SGCZ: variants seen among roughly 807,000 people sequenced by gnomAD.
SGCZ encodes zeta-sarcoglycan.
A neutral mutation model predicts 41.3 loss-of-function variants in SGCZ; 40 were observed. That is an observed-to-expected ratio of 0.97 (90% CI 0.75 to 1.26). The LOEUF (loss-of-function observed/expected upper bound fraction) is 1.26, where lower values mean the gene tolerates loss of function less well. Among genes scored for constraint, SGCZ ranks in the 50% most tolerant of loss-of-function variants. The pLI is 0.00. For synonymous variants in SGCZ, 206 were observed against 137.5 expected, an observed-to-expected ratio of 1.50 and a Z score of -3.49; for missense variants, 552 against 369.8, an observed-to-expected ratio of 1.49 and a Z score of -4.04.
At chr8:14,503,062 T>C (rs1339275441) in intron 2 of SGCZ, among the ~76,000 whole-genome samples, 2 of 152,132 alleles carry the variant, frequency 1.3e-5, no homozygotes, top group Non-Finnish European at 2.9e-5. Flanking sequence ...CCATCAATGA[T>C]AGACGGGATA....
intron 3 of SGCZ, chr8:14,309,210 C>G: frequency 6.7e-7 from 1 of 1,497,650 alleles, no homozygotes; most frequent in South Asian, 1.1e-5. Context: ...CGGCTGATCT[C>G]TAAGTTTGAT....
At chr8:14,588,811 T>C (rs182567660) in intron 1 of SGCZ, among the ~76,000 whole-genome samples, 3 of 152,286 alleles carry the variant, frequency 2.0e-5, no homozygotes, top group Non-Finnish European at 4.4e-5. Flanking sequence ...AAATTATTTT[T>C]AGAATGTTAT....
chr8:15,052,437 A>T (rs1804547959), intron 1 of SGCZ, among the ~76,000 whole-genome samples: 1 of 152,182 alleles, frequency 6.6e-6, no homozygotes, highest in Non-Finnish European at 1.5e-5. Flanking sequence ...TAGGACAGAT[A>T]ACATGCTTCC....
chr8:14,140,516 T>C (rs1487866714), intron 5 of SGCZ, among the ~76,000 whole-genome samples: 3 of 152,156 alleles, frequency 2.0e-5, no homozygotes, highest in Non-Finnish European at 4.4e-5. Context: ...AGCATTCTTA[T>C]ACATCAATAA....
At chr8:14,482,962 A>G (rs1801574512) in intron 2 of SGCZ, among the ~76,000 whole-genome samples, 1 of 152,090 alleles carries the variant, frequency 6.6e-6, no homozygotes, top group African/African-American at 2.4e-5. Context: ...TAAACACGTG[A>G]GCCAATTCTT....
intron 1 of SGCZ, among the ~76,000 whole-genome samples, chr8:14,779,905 G>T (rs1372695816): frequency 6.6e-6 from 1 of 152,140 alleles, no homozygotes; most frequent in African/African-American, 2.4e-5. Context: ...TTTGACCAAC[G>T]TATGATCTAG....
At chr8:15,124,693 G>A (rs1484370083) in intron 1 of SGCZ, among the ~76,000 whole-genome samples, 1 of 152,144 alleles carries the variant, frequency 6.6e-6, no homozygotes, top group Admixed American at 6.5e-5. Flanking sequence ...TTGTTCCCAT[G>A]CCAACCTAAT....
chr8:14,607,109 C>T (rs561686676), intron 1 of SGCZ, among the ~76,000 whole-genome samples: 1 of 152,210 alleles, frequency 6.6e-6, no homozygotes, highest in South Asian at 2.1e-4. Flanking sequence ...TCAGTTTTTT[C>T]ATCTGTAAAA....
intron 1 of SGCZ, among the ~76,000 whole-genome samples, chr8:14,582,011 ATCCT>A (rs1804906295): frequency 6.6e-6 from 1 of 151,938 alleles, no homozygotes; most frequent in African/African-American, 2.4e-5. Flanking sequence ...AGAAAGACAA[ATCCT>A]TCCTCTTCTC....
At chr8:15,098,121 C>T (rs925557541) in intron 1 of SGCZ, among the ~76,000 whole-genome samples, 1 of 150,772 alleles carries the variant, frequency 6.6e-6, no homozygotes, top group Non-Finnish European at 1.5e-5. Context: ...AAGTAACAGC[C>T]CCACATTAAA....
intron 2 of SGCZ, among the ~76,000 whole-genome samples, chr8:14,367,064 C>T (rs1803734734): frequency 6.6e-6 from 1 of 152,066 alleles, no homozygotes; most frequent in South Asian, 2.1e-4. Context: ...TAATGCTCTG[C>T]TTTCTCCTGA....
At chr8:14,510,485 G>T (rs942949294) in intron 2 of SGCZ, among the ~76,000 whole-genome samples, 1 of 151,960 alleles carries the variant, frequency 6.6e-6, no homozygotes, top group Non-Finnish European at 1.5e-5. Context: ...AACAACAGAT[G>T]TCACAGATTT....
At chr8:14,985,618 A>G (rs1801803586) in intron 1 of SGCZ, among the ~76,000 whole-genome samples, 1 of 152,202 alleles carries the variant, frequency 6.6e-6, no homozygotes, top group Non-Finnish European at 1.5e-5. Flanking sequence ...GTTCACTGCC[A>G]GAAATGAATT....
intron 4 of SGCZ, among the ~76,000 whole-genome samples, chr8:14,198,766 A>T (rs28504110): frequency 0.015 from 2,242 of 152,300 alleles, 59 homozygotes; most frequent in African/African-American, 0.051. Flanking sequence ...ATGGATGTTT[A>T]TTAGTTCCCC....
At chr8:15,155,034 G>A (rs777801655) in intron 1 of SGCZ, among the ~76,000 whole-genome samples, 8 of 152,164 alleles carry the variant, frequency 5.3e-5, no homozygotes, top group Non-Finnish European at 1.0e-4. Context: ...GCTCACCCCT[G>A]AGATCCCAGC....
rs1329702930 is a variant in SGCZ at position 14,088,252 on chromosome 8, T to C, written c.*2191A>G. On this transcript the variant is annotated 3_prime_UTR_variant, in exon 8 of 8. Coordinates refer to ENST00000382080, the MANE Select transcript of SGCZ (RefSeq NM_139167.4). ...ACTTTTGCTGTGAAGTTGAGTAAAC[T>C]GAAGCCTGGAGAGATTCTCGAACTG... is the stretch of plus-strand genomic sequence containing the variant. Among the ~76,000 whole-genome samples, 1 of 151,816 alleles carries C rather than the reference T, an allele frequency of 6.6e-6. No homozygotes were observed. The highest frequency in any genetic ancestry group is 1.5e-5 in the Non-Finnish European group (1 of 67,834).
chr8:15,044,611 T>A (rs149237955), intron 1 of SGCZ, among the ~76,000 whole-genome samples: 2 of 152,288 alleles, frequency 1.3e-5, no homozygotes, highest in East Asian at 3.9e-4. Context: ...GTAAAACTCA[T>A]AATTGTGTTC....
chr8:14,171,670 C>T (rs773669199), intron 4 of SGCZ, among the ~76,000 whole-genome samples: 8 of 152,128 alleles, frequency 5.3e-5, no homozygotes, highest in Non-Finnish European at 1.0e-4. Flanking sequence ...TGTATTATCT[C>T]ATTAAAATGT....
At chr8:14,557,220 T>G (rs1280641088) in intron 1 of SGCZ, among the ~76,000 whole-genome samples, 1 of 152,102 alleles carries the variant, frequency 6.6e-6, no homozygotes, top group African/African-American at 2.4e-5. Context: ...TTATTGGTCA[T>G]TTGTATATCT....
Sources: allele counts gnomAD v4.1 joint callset (sites outside exome capture counted in the v4.1 genomes callset), GRCh38; gene constraint gnomAD v4.1.1; transcripts MANE v1.5; gene names NCBI Gene and HGNC (gene_info 2026-07-23, HGNC 2026-07-21).